Variants in PPARG observed in about 807,000 individuals in gnomAD.
PPARG encodes the protein peroxisome proliferator activated receptor gamma.
Under a neutral mutation model 39.2 loss-of-function variants are expected in PPARG, and 17 were observed. That is an observed-to-expected ratio of 0.43 (90% confidence interval 0.30 to 0.65). The LOEUF is 0.65. Among genes scored for constraint, PPARG ranks in the 30% least tolerant of loss-of-function variants. The pLI, the probability that PPARG is intolerant of heterozygous loss-of-function variation, is 0.13. For synonymous variants in PPARG, 223 were observed against 215.7 expected, an observed-to-expected ratio of 1.03 and a Z score of -0.30; for missense variants, 406 against 585.9, an observed-to-expected ratio of 0.69 and a Z score of 3.17.
chr3:12,320,239 T>C (rs1313249414), intron 2 of PPARG, among the ~76,000 whole-genome samples: 1 of 152,226 alleles, frequency 6.6e-6, no homozygotes, highest in Non-Finnish European at 1.5e-5. Flanking sequence ...TATGTATGTA[T>C]GTATGCATGT....
intron 4 of PPARG, among the ~76,000 whole-genome samples, chr3:12,382,774 A>C (rs2049726972): frequency 1.3e-5 from 2 of 152,274 alleles, no homozygotes; most frequent in South Asian, 4.1e-4. Flanking sequence ...GTTCAAGACC[A>C]GTCTGGGCAG....
chr3:12,363,890 T>C (rs1359958941), intron 2 of PPARG, among the ~76,000 whole-genome samples: 1 of 152,200 alleles, frequency 6.6e-6, no homozygotes, highest in African/African-American at 2.4e-5. Flanking sequence ...ATTTTTTAAT[T>C]AATAACTTTA....
At position 12,381,959 on chromosome 3, in the gene PPARG, T is replaced by C. The variant is rs549624371; in HGVS notation, c.390+468T>C. Reference sequence around the variant, plus strand: ...TTATTTATTTTGCTATACCGTGTAATATTGTATAGACAGAAGATTTTACAG... The same window carrying C: ...TTATTTATTTTGCTATACCGTGTAACATTGTATAGACAGAAGATTTTACAG... On this transcript the variant is annotated intron_variant, in intron 4 of 7. Transcript: ENST00000651735. Among the ~76,000 whole-genome samples, 5 of 152,256 alleles carry C rather than the reference T, an allele frequency of 3.3e-5. 1 individual carries two copies. The South Asian group carries it at 1.0e-3, about 32-fold the overall frequency.
chr3:12,409,780 G>A (rs764308777), intron 6 of PPARG, among the ~76,000 whole-genome samples: 15 of 152,142 alleles, frequency 9.9e-5, no homozygotes, highest in Non-Finnish European at 1.8e-4. Flanking sequence ...GATTGAAGAG[G>A]CCATTCTTTA....
At chr3:12,369,302 G>A (rs139155246) in intron 2 of PPARG, among the ~76,000 whole-genome samples, 31 of 152,154 alleles carry the variant, frequency 2.0e-4, no homozygotes, top group Admixed American at 1.4e-3. Flanking sequence ...GATCAGCCTG[G>A]GCAACATGGT....
chr3:12,322,362 T>G (rs1275067327), intron 2 of PPARG, among the ~76,000 whole-genome samples: 1 of 152,250 alleles, frequency 6.6e-6, no homozygotes, highest in Non-Finnish European at 1.5e-5. Flanking sequence ...CCTTTATGTA[T>G]GCAGCACTGT....
chr3:12,387,203 A>G (rs2049907660), intron 4 of PPARG, among the ~76,000 whole-genome samples: 2 of 152,252 alleles, frequency 1.3e-5, no homozygotes, highest in African/African-American at 4.8e-5. Flanking sequence ...TCTTTATAGT[A>G]GCATGACTTA....
At chr3:12,406,512 G>T in intron 6 of PPARG, 1 of 140,738 alleles carries the variant, frequency 7.1e-6, no homozygotes, top group South Asian at 1.5e-4. Context: ...CACCTTTCAG[G>T]AGAACTACCA....
In PPARG at chr3:12,310,504, C is replaced by A. The variant is rs2047202165; in HGVS notation, c.-82-1876C>A. On this transcript the variant is annotated intron_variant, in intron 1 of 7. Transcript: ENST00000651735. Reference sequence around the variant, plus strand: ...TTTGAGACAGAGTCTCGCTCTGTCGCCCAGGCTGGAGTGCAGTGGCGGGAT... The same window carrying A: ...TTTGAGACAGAGTCTCGCTCTGTCGACCAGGCTGGAGTGCAGTGGCGGGAT... Among the ~76,000 whole-genome samples, 2 of 74,452 alleles carry A rather than the reference C, an allele frequency of 2.7e-5. 1 individual carries two copies. Among genetic ancestry groups the A allele is most frequent in the Non-Finnish European group, 5.6e-5 (2 of 35,450 alleles). The allele number at this position is 74,452 out of a possible 152,430, so 48.8% of individuals were successfully genotyped here. A position where few individuals can be genotyped will look rare whatever the true frequency, so the allele number is the denominator to read the frequency against.
intron 7 of PPARG, among the ~76,000 whole-genome samples, chr3:12,417,902 C>CTTTTTTTTTTTTCTTTTTTT (rs2051131278): frequency 1.5e-5 from 1 of 65,900 alleles, no homozygotes; most frequent in African/African-American, 5.9e-5. Context: ...TTTTTTTTTC[C>CTTTTTTTTTTTTCTTTTTTT]TTTTTTTTTT....
chr3:12,346,137 T>C (rs377477423), intron 2 of PPARG, among the ~76,000 whole-genome samples: 33 of 152,220 alleles, frequency 2.2e-4, no homozygotes, highest in African/African-American at 8.0e-4. Flanking sequence ...CAGGTTAGTC[T>C]CTTTTTCAGG....
At chr3:12,341,681 C>T (rs953743001) in intron 2 of PPARG, among the ~76,000 whole-genome samples, 17 of 152,032 alleles carry the variant, frequency 1.1e-4, no homozygotes, top group East Asian at 5.8e-4. Flanking sequence ...TTGTGGCACG[C>T]GCCTGTGGTC....
chr3:12,381,545 C>A, intron 4 of PPARG, 54 bp downstream of exon 4: 1 of 1,556,670 alleles, frequency 6.4e-7, no homozygotes, highest in South Asian at 1.1e-5. Context: ...TATTTCATTT[C>A]AGCAGAACCC....
chr3:12,417,711 T>G (rs532819166), intron 7 of PPARG, among the ~76,000 whole-genome samples: 151 of 152,236 alleles, frequency 9.9e-4, no homozygotes, highest in African/African-American at 3.5e-3. Context: ...TTAAAGTACC[T>G]TTGTGAGGTA....
intron 2 of PPARG, among the ~76,000 whole-genome samples, chr3:12,342,667 T>C (rs1312956992): frequency 1.3e-5 from 2 of 152,330 alleles, no homozygotes; most frequent in Non-Finnish European, 2.9e-5. Context: ...AAGACCCAGA[T>C]GCATAAACTT....
intron 1 of PPARG, among the ~76,000 whole-genome samples, chr3:12,296,729 G>A (rs1170907475): frequency 3.9e-5 from 6 of 152,110 alleles, no homozygotes; most frequent in Non-Finnish European, 8.8e-5. Flanking sequence ...AGCTTAGCAT[G>A]GCTGCTTAGG....
intron 2 of PPARG, chr3:12,351,726 G>T: frequency 2.2e-6 from 3 of 1,391,420 alleles, no homozygotes; most frequent in South Asian, 1.2e-5. Flanking sequence ...ATTTATGTAA[G>T]GGTAAAATTG....
intron 6 of PPARG, chr3:12,406,413 T>G: frequency 2.8e-6 from 1 of 361,110 alleles, no homozygotes; most frequent in Non-Finnish European, 5.3e-6. Context: ...TCAAAATAAC[T>G]GGCCACAGCA....
At chr3:12,327,654 G>C (rs993604477) in intron 2 of PPARG, among the ~76,000 whole-genome samples, 2 of 152,164 alleles carry the variant, frequency 1.3e-5, no homozygotes, top group African/African-American at 4.8e-5. Context: ...TGAAGAGATG[G>C]AGAACCCCTC....
Sources: gnomAD v4.1 joint callset for allele counts (sites outside exome capture counted in the v4.1 genomes callset) on GRCh38, gnomAD v4.1.1 for gene constraint, MANE v1.5 for transcripts, NCBI Gene and HGNC (gene_info 2026-07-23, HGNC 2026-07-21) for gene names.